KCNB2: variants seen among roughly 807,000 people sequenced by gnomAD.
The protein encoded by KCNB2 is delayed rectifier potassium channel protein.
In KCNB2, 15 loss-of-function variants were observed where a neutral mutation model predicts 61.5. That is an observed-to-expected ratio of 0.24 (90% CI 0.16 to 0.38). KCNB2 has a LOEUF of 0.38. KCNB2 is among the 10% of genes least tolerant of loss of function. The pLI is 1.00. For missense variants in KCNB2, 828 were observed against 1,125.2 expected (o/e 0.74, Z 3.78); for synonymous variants, 457 against 446.0 (o/e 1.02, Z -0.31).
chr8:72,657,231 A>C (rs1176315422), intron 2 of KCNB2, among the ~76,000 whole-genome samples: 1 of 152,208 alleles, frequency 6.6e-6, no homozygotes, highest in African/African-American at 2.4e-5. Context: ...TTAGCAAGAT[A>C]ATATACAACT....
chr8:72,715,302 C>G (rs921155586), intron 2 of KCNB2, among the ~76,000 whole-genome samples: 1 of 152,124 alleles, frequency 6.6e-6, no homozygotes, highest in African/African-American at 2.4e-5. Flanking sequence ...GGCTCTGCAC[C>G]AAGCAGACCT....
chr8:72,778,833 C>G (rs562261928), intron 2 of KCNB2, among the ~76,000 whole-genome samples: 3 of 148,036 alleles, frequency 2.0e-5, no homozygotes, highest in East Asian at 2.0e-4. Context: ...AAATAAAGTT[C>G]GAGATATCAG....
chr8:72,657,313 AAAG>A (rs1806306947), intron 2 of KCNB2, among the ~76,000 whole-genome samples: 1 of 152,144 alleles, frequency 6.6e-6, no homozygotes, highest in Non-Finnish European at 1.5e-5. Context: ...AATTCTTAGA[AAAG>A]AAGCCACTAA....
chr8:72,566,710 CAAA>C (rs5892353), intron 1 of KCNB2, among the ~76,000 whole-genome samples: 21 of 136,216 alleles, frequency 1.5e-4, no homozygotes, highest in South Asian at 2.4e-4. Flanking sequence ...GACTCTATTT[CAAA>C]AAAAAAAAAA....
At chr8:72,935,496 T>C (rs766302938) in intron 2 of KCNB2, among the ~76,000 whole-genome samples, 7 of 152,232 alleles carry the variant, frequency 4.6e-5, no homozygotes, top group Admixed American at 1.3e-4. Context: ...GGTCTGAGTT[T>C]ATATTTTTAA....
intron 2 of KCNB2, among the ~76,000 whole-genome samples, chr8:72,872,614 G>A (rs897607274): frequency 6.6e-6 from 1 of 152,146 alleles, no homozygotes; most frequent in Non-Finnish European, 1.5e-5. Flanking sequence ...GAATTGTCAC[G>A]AGTGGTACAT....
At chr8:72,833,653 A>G (rs1809734011) in intron 2 of KCNB2, among the ~76,000 whole-genome samples, 1 of 152,216 alleles carries the variant, frequency 6.6e-6, no homozygotes, top group African/African-American at 2.4e-5. Context: ...TCATTAAATC[A>G]AAAAGTGTGG....
intron 2 of KCNB2, among the ~76,000 whole-genome samples, chr8:72,607,144 C>A (rs1805463106): frequency 6.6e-6 from 1 of 152,116 alleles, no homozygotes; most frequent in African/African-American, 2.4e-5. Context: ...TGAGTTACTT[C>A]CAACACAGTT....
intron 2 of KCNB2, among the ~76,000 whole-genome samples, chr8:72,833,027 T>A (rs1280060716): frequency 6.6e-6 from 1 of 152,148 alleles, no homozygotes; most frequent in Non-Finnish European, 1.5e-5. Flanking sequence ...CAATAGTAAG[T>A]AAAAGAGATT....
At chr8:72,925,035 A>C (rs949882887) in intron 2 of KCNB2, among the ~76,000 whole-genome samples, 6 of 152,220 alleles carry the variant, frequency 3.9e-5, no homozygotes, top group Admixed American at 1.3e-4. Flanking sequence ...ATGTGGTCTT[A>C]ATGATGCTGA....
At chr8:72,747,557 A>G (rs1246271982) in intron 2 of KCNB2, among the ~76,000 whole-genome samples, 41 of 152,218 alleles carry the variant, frequency 2.7e-4, no homozygotes, top group Admixed American at 2.5e-3. Flanking sequence ...CCAGACCCCA[A>G]GAGAGGGTTC....
chr8:72,839,338 A>C (rs1275643004), intron 2 of KCNB2, among the ~76,000 whole-genome samples: 2 of 152,178 alleles, frequency 1.3e-5, no homozygotes, highest in Non-Finnish European at 2.9e-5. Context: ...AAAATCTCAG[A>C]TTCAACTTCC....
rs1426262755 is a variant in KCNB2 at position 72,568,136 on chromosome 8, G to A, written c.402G>A (p.Glu134=). ...DYWGIDEIYL[E]SCCQARYHQK... ...GGGGGATTGATGAGATCTACTTGGA[G>A]TCCTGCTGCCAGGCCAGATATCATC... is the stretch of plus-strand genomic sequence containing the variant. Residue 134 remains glutamate (E), a synonymous_variant, in exon 2 of 3, where the codon GAG becomes GAA. Transcript: ENST00000523207. The A allele has an allele frequency of 6.2e-7, 1 of 1,614,000 alleles. No individual in the cohort carries two copies. Among genetic ancestry groups the A allele is most frequent in the East Asian group, 2.2e-5 (1 of 44,892 alleles).
intron 2 of KCNB2, among the ~76,000 whole-genome samples, chr8:72,715,263 G>A (rs868758385): frequency 2.0e-5 from 3 of 152,184 alleles, no homozygotes; most frequent in East Asian, 1.9e-4. Context: ...GAGACAGAAC[G>A]TTAACAAGGA....
At chr8:72,841,372 C>CTTTTTTTTTT (rs769263287) in intron 2 of KCNB2, among the ~76,000 whole-genome samples, 8 of 34,214 alleles carry the variant, frequency 2.3e-4, no homozygotes, top group East Asian at 9.9e-4. Flanking sequence ...TTTTTTTTTT[C>CTTTTTTTTTT]TTTTTTTTTT....
intron 2 of KCNB2, among the ~76,000 whole-genome samples, chr8:72,793,159 T>G (rs1055157295): frequency 1.2e-4 from 18 of 152,212 alleles, no homozygotes; most frequent in African/African-American, 4.1e-4. Context: ...ATTCAAGTAT[T>G]TGGTGAGAAC....
intron 2 of KCNB2, among the ~76,000 whole-genome samples, chr8:72,735,768 G>A (rs1807834105): frequency 6.6e-6 from 1 of 152,170 alleles, no homozygotes; most frequent in Non-Finnish European, 1.5e-5. Flanking sequence ...ATGCATAGCA[G>A]TCTTTTACTA....
At chr8:72,562,120 A>C (rs1390776597) in intron 1 of KCNB2, among the ~76,000 whole-genome samples, 1 of 152,090 alleles carries the variant, frequency 6.6e-6, no homozygotes, top group Non-Finnish European at 1.5e-5. Flanking sequence ...AGCATGTTCT[A>C]GCAACACAAA....
chr8:72,696,755 G>A (rs997839849), intron 2 of KCNB2, among the ~76,000 whole-genome samples: 20 of 152,104 alleles, frequency 1.3e-4, no homozygotes, highest in African/African-American at 4.6e-4. Context: ...GGACCTTTAT[G>A]AACCATGGAC....
Sources: allele counts gnomAD v4.1 joint callset (sites outside exome capture counted in the v4.1 genomes callset), GRCh38; gene constraint gnomAD v4.1.1; transcripts MANE v1.5; gene names NCBI Gene and HGNC (gene_info 2026-07-23, HGNC 2026-07-21).